The following VRK1 variants were observed in gnomAD, a reference collection of about 807,000 sequenced individuals.
VRK1 encodes VRK serine/threonine kinase 1, also known as serine/threonine-protein kinase VRK1.
VRK1 carries 33 observed loss-of-function variants against 57.1 expected under a neutral mutation model. The observed-to-expected ratio is 0.58, with a 90% CI of 0.44 to 0.77. The LOEUF is 0.77. Ranked by LOEUF, VRK1 falls within the 30% of genes least tolerant of loss-of-function variation. The pLI, the probability that VRK1 is intolerant of heterozygous loss-of-function variation, is 0.00. For missense variants in VRK1, 413 were observed against 477.3 expected, an observed-to-expected ratio of 0.87 and a Z score of 1.25; for synonymous variants, 137 against 147.8, an observed-to-expected ratio of 0.93 and a Z score of 0.53.
At chr14:96,809,546 C>G (rs976312253) in intron 1 of VRK1, among the ~76,000 whole-genome samples, 1 of 120,602 alleles carries the variant, frequency 8.3e-6, no homozygotes, top group Admixed American at 7.9e-5. Context: ...GTATATGCAT[C>G]TAGCTTGCTT....
chr14:96,840,784 G>C (rs1887426383), intron 3 of VRK1, among the ~76,000 whole-genome samples: 1 of 152,062 alleles, frequency 6.6e-6, no homozygotes, highest in Admixed American at 6.5e-5. Flanking sequence ...GTCTTGGAAG[G>C]AAAGTGTGCC....
At chr14:96,798,462 T>A (rs1225262823) in intron 1 of VRK1, among the ~76,000 whole-genome samples, 1 of 152,250 alleles carries the variant, frequency 6.6e-6, no homozygotes, top group African/African-American at 2.4e-5. Context: ...TTCCCTTTCC[T>A]GTGTCCCTTT....
intron 11 of VRK1, among the ~76,000 whole-genome samples, chr14:96,867,765 C>A (rs1595686025): frequency 6.6e-6 from 1 of 152,118 alleles, no homozygotes; most frequent in Non-Finnish European, 1.5e-5. Flanking sequence ...CTGTGGGCTT[C>A]TTCTTGCCCA....
At chr14:96,879,727 G>C (rs928967683) in intron 12 of VRK1, among the ~76,000 whole-genome samples, 1 of 151,852 alleles carries the variant, frequency 6.6e-6, no homozygotes, top group Non-Finnish European at 1.5e-5. Flanking sequence ...TCAGGAGTTC[G>C]ACACCAGCCT....
intron 2 of VRK1, 48 bp from the exon 3 acceptor site, chr14:96,837,714 T>G: frequency 8.2e-7 from 1 of 1,219,324 alleles, no homozygotes; most frequent in South Asian, 1.7e-5. Context: ...ATTAATATAT[T>G]TATAATATTA....
At chr14:96,830,262 A>G (rs1462280288) in intron 1 of VRK1, among the ~76,000 whole-genome samples, 1 of 152,012 alleles carries the variant, frequency 6.6e-6, no homozygotes, top group Non-Finnish European at 1.5e-5. Flanking sequence ...AGTTCAGGAA[A>G]GTTTTCTTGA....
At chr14:96,855,167 G>T (rs1250074741) in intron 7 of VRK1, 57 bp from the exon 8 acceptor site, 1 of 1,612,744 alleles carries the variant, frequency 6.2e-7, no homozygotes, top group African/African-American at 1.3e-5. Context: ...GTGCTTTAAA[G>T]GGTTATATGT....
At chr14:96,808,017 CTGTGTGTGTG>C (rs3049309) in intron 1 of VRK1, among the ~76,000 whole-genome samples, 17,227 of 127,252 alleles carry the variant, frequency 0.14, 2,676 homozygotes, top group East Asian at 0.8. Context: ...CTCTCTCCCT[CTGTGTGTGTG>C]TGTGTGTGTG....
At chr14:96,873,165 CT>C (rs1271359803) in intron 11 of VRK1, among the ~76,000 whole-genome samples, 1 of 152,118 alleles carries the variant, frequency 6.6e-6, no homozygotes, top group Non-Finnish European at 1.5e-5. Context: ...TAGAGGTGAT[CT>C]TTTGATGCTT....
intron 12 of VRK1, chr14:96,877,554 T>TAGC (rs1454954323): frequency 7.8e-7 from 1 of 1,289,534 alleles, no homozygotes; most frequent in African/African-American, 1.5e-5. Context: ...AGCCAGAGGC[T>TAGC]AGCAGCAGCA....
chr14:96,801,358 G>A lies in VRK1; in HGVS notation c.-6+3911G>A, dbSNP rs576452405. Among the ~76,000 whole-genome samples, 4 of 152,290 alleles carry A rather than the reference G, an allele frequency of 2.6e-5. No individual in the cohort carries two copies. In the South Asian group the frequency reaches 8.3e-4, roughly 32 times the overall value. On this transcript the variant is annotated intron_variant, in intron 1 of 12. Coordinates refer to ENST00000216639, the MANE Select transcript of VRK1 (RefSeq NM_003384.3). Reference sequence around the variant, plus strand: ...ATGACACTAAGTATTAGTGCATTGTGATTGCGTTTCACAATATTAAGTGTT... The same window carrying A: ...ATGACACTAAGTATTAGTGCATTGTAATTGCGTTTCACAATATTAAGTGTT...
chr14:96,867,079 GT>G (rs1888614623), intron 11 of VRK1, among the ~76,000 whole-genome samples: 1 of 152,010 alleles, frequency 6.6e-6, no homozygotes, highest in South Asian at 2.1e-4. Context: ...TTTAGTTCTA[GT>G]TTTTTGTGTC....
chr14:96,810,139 G>T (rs376397413), intron 1 of VRK1, among the ~76,000 whole-genome samples: 3 of 152,182 alleles, frequency 2.0e-5, no homozygotes, highest in African/African-American at 4.8e-5. Context: ...TAAAGTTCCT[G>T]TTCAAGTCTT....
chr14:96,805,136 A>G (rs1885820546), intron 1 of VRK1, among the ~76,000 whole-genome samples: 1 of 152,230 alleles, frequency 6.6e-6, no homozygotes, highest in South Asian at 2.1e-4. Context: ...GAGGAGACTC[A>G]GGGGTTATTT....
Position 96,797,391 on chromosome 14 carries a change from C to A in VRK1, c.-62C>A, listed in dbSNP as rs547034537. On this transcript the variant is annotated 5_prime_UTR_variant, in exon 1 of 13. Coordinates refer to ENST00000216639, the MANE Select transcript of VRK1 (RefSeq NM_003384.3). Reference sequence around the variant, plus strand: ...CCGGCGCCGCTGCCGAGTTACGAGTCGGCGAAAGCGGCGGGAAGTTCGTAC... The same window carrying A: ...CCGGCGCCGCTGCCGAGTTACGAGTAGGCGAAAGCGGCGGGAAGTTCGTAC... 1 of 152,264 alleles carries A rather than the reference C, an allele frequency of 6.6e-6. No homozygotes were observed. Among genetic ancestry groups the A allele is most frequent in the East Asian group, 1.9e-4 (1 of 5,166 alleles). 9.4% of individuals were successfully genotyped at this position (152,264 alleles called of 1,614,324 possible).
At position 96,855,037 on chromosome 14, in the gene VRK1, A is replaced by T. The variant is rs188811401; in HGVS notation, c.577-187A>T. Reference sequence around the variant, plus strand: ...TGGTCATTTAACATTTTTATTAAAAATAAAAAGCCTTTCAGAATTAAGTAT... The same window carrying T: ...TGGTCATTTAACATTTTTATTAAAATTAAAAAGCCTTTCAGAATTAAGTAT... On this transcript the variant is annotated intron_variant, in intron 7 of 12. Coordinates refer to ENST00000216639, the MANE Select transcript of VRK1 (RefSeq NM_003384.3). 8.4e-3 allele frequency among the ~76,000 whole-genome samples: 1,280 copies of T among 152,350 alleles called. 16 individuals carry two copies. Among genetic ancestry groups the T allele is most frequent in the African/African-American group, 0.029 (1,195 of 41,572 alleles).
chr14:96,822,411 C>T (rs991288308), intron 1 of VRK1, among the ~76,000 whole-genome samples: 1 of 151,646 alleles, frequency 6.6e-6, no homozygotes, highest in Non-Finnish European at 1.5e-5. Context: ...AAGTTGCAGA[C>T]CATTCACTCT....
chr14:96,852,837 G>A lies in VRK1; in HGVS notation c.381G>A (p.Arg127=), dbSNP rs2139795531. ...TTTTCATATTTGTCTTCAGTTACAG[G>A]TTTATGATAATGGATCGCTTTGGGA... ...GLHDKNGKSY[R]FMIMDRFGSD... is the part of the protein sequence containing the mutation. Residue 127 remains arginine (R), a synonymous_variant, in exon 6 of 13, where the codon AGG becomes AGA. Transcript: ENST00000216639. The A allele has an allele frequency of 6.2e-7, 1 of 1,613,532 alleles. No homozygotes were observed. Among genetic ancestry groups the A allele is most frequent in the South Asian group, 1.1e-5 (1 of 91,078 alleles).
intron 12 of VRK1, 37 bp from the exon 13 acceptor site, chr14:96,881,140 T>C: frequency 6.4e-7 from 1 of 1,568,790 alleles, no homozygotes; most frequent in Non-Finnish European, 8.7e-7. Flanking sequence ...TGTAAATTAT[T>C]GACTAGTGAT....
Sources: allele counts gnomAD v4.1 joint callset (sites outside exome capture counted in the v4.1 genomes callset), GRCh38; gene constraint gnomAD v4.1.1; transcripts MANE v1.5; gene names NCBI Gene and HGNC (gene_info 2026-07-23, HGNC 2026-07-21).